The following ASTN2 variants were observed in gnomAD, a reference collection of about 807,000 sequenced individuals.
ASTN2 encodes the protein astrotactin 2.
A neutral mutation model predicts 139.8 loss-of-function variants in ASTN2; 54 were observed. That is an observed-to-expected ratio of 0.39 (90% CI 0.31 to 0.48). The LOEUF is 0.48. ASTN2 is among the 20% of genes least tolerant of loss of function. The pLI is 0.95. For missense variants in ASTN2, 1,565 were observed against 1,725.1 expected, an observed-to-expected ratio of 0.91 and a Z score of 1.64; for synonymous variants, 756 against 719.5, an observed-to-expected ratio of 1.05 and a Z score of -0.81.
chr9:117,087,562 A>G (rs1828600342), intron 5 of ASTN2, among the ~76,000 whole-genome samples: 1 of 152,150 alleles, frequency 6.6e-6, no homozygotes, highest in Non-Finnish European at 1.5e-5. Context: ...TTAATTTTCA[A>G]GCTGGTACAT....
At chr9:116,744,986 C>A (rs115552859) in intron 13 of ASTN2, among the ~76,000 whole-genome samples, 2,522 of 152,248 alleles carry the variant, frequency 0.017, 75 homozygotes, top group African/African-American at 0.058. Context: ...AATTTGCTCC[C>A]TAGCAGAATG....
At chr9:116,998,893 T>A (rs1023441335) in intron 7 of ASTN2, among the ~76,000 whole-genome samples, 1 of 152,202 alleles carries the variant, frequency 6.6e-6, no homozygotes, top group Admixed American at 6.5e-5. Flanking sequence ...TTGGAATTTA[T>A]AGCTTCATAA....
intron 13 of ASTN2, among the ~76,000 whole-genome samples, chr9:116,755,189 A>G (rs1210069487): frequency 1.3e-5 from 2 of 152,198 alleles, no homozygotes; most frequent in Non-Finnish European, 2.9e-5. Context: ...AATGACCTTG[A>G]AAGATATTCA....
intron 3 of ASTN2, among the ~76,000 whole-genome samples, chr9:117,145,650 G>A (rs1371894029): frequency 2.2e-4 from 1 of 4,604 alleles, no homozygotes; most frequent in African/African-American, 3.5e-4. Context: ...AATCAGTAGT[G>A]GCTTCCTGAC....
chr9:117,087,864 T>C (rs1316339979), intron 5 of ASTN2, among the ~76,000 whole-genome samples: 1 of 152,182 alleles, frequency 6.6e-6, no homozygotes, highest in Non-Finnish European at 1.5e-5. Context: ...CCAGTGCTTA[T>C]GTACAACCTA....
intron 11 of ASTN2, among the ~76,000 whole-genome samples, chr9:116,829,564 G>C (rs2132282750): frequency 6.6e-6 from 1 of 152,236 alleles, no homozygotes; most frequent in Middle Eastern, 3.4e-3. Context: ...TAATCATGAA[G>C]AGGAAAGAGG....
intron 7 of ASTN2, among the ~76,000 whole-genome samples, chr9:117,001,813 A>G (rs2132571451): frequency 6.6e-6 from 1 of 152,286 alleles, no homozygotes; most frequent in South Asian, 2.1e-4. Context: ...CTTGATTTAT[A>G]CTACACTGTG....
chr9:116,971,713 T>G (rs537197088), intron 10 of ASTN2, among the ~76,000 whole-genome samples: 1 of 152,164 alleles, frequency 6.6e-6, no homozygotes. Flanking sequence ...AATGAAAAGA[T>G]AAAGAGAACA....
Position 116,964,219 on chromosome 9 carries a change from GT to G in ASTN2, c.1889+10988del, listed in dbSNP as rs1554765654. ...CTTTCTGACTAGACTGCCCTGGGGT[GT>G]GTGTGTGTGTGTGTGTGTGTGTGTG... is the stretch of plus-strand genomic sequence containing the variant. On this transcript the variant is annotated intron_variant, in intron 10 of 22. Coordinates refer to ENST00000313400, the MANE Select transcript of ASTN2 (RefSeq NM_001365068.1). Among the ~76,000 whole-genome samples, 386 of 77,148 alleles carry G rather than the reference GT, an allele frequency of 5.0e-3. 2 individuals are homozygous for G. Among genetic ancestry groups the G allele is most frequent in the African/African-American group, 0.019 (317 of 16,488 alleles). The allele number at this position is 77,148 out of a possible 152,430, so 50.6% of individuals were successfully genotyped here. A position where few individuals can be genotyped will look rare whatever the true frequency, so the allele number is the denominator to read the frequency against.
rs530382432 is a variant in ASTN2, at chr9:116,571,571, G to T, written c.3355+46753C>A. ...TGAGTGGATGCCATCTAATGTGTCT[G>T]TGTCTGTTTGTGCTGGGTGGATCCA... is the stretch of plus-strand genomic sequence containing the variant. On this transcript the variant is annotated intron_variant, in intron 19 of 22. Coordinates refer to ENST00000313400, the MANE Select transcript of ASTN2 (RefSeq NM_001365068.1). Among the ~76,000 whole-genome samples the T allele has an allele frequency of 7.2e-5, 11 of 152,308 alleles. No homozygotes were observed. In the East Asian group the frequency reaches 1.3e-3, roughly 19 times the overall value.
At chr9:116,473,799 G>A (rs1288513521) in intron 20 of ASTN2, among the ~76,000 whole-genome samples, 1 of 152,094 alleles carries the variant, frequency 6.6e-6, no homozygotes, top group Non-Finnish European at 1.5e-5. Context: ...CTACTCGGGA[G>A]GCTGAGGCAG....
chr9:116,673,765 CTTAAT>C (rs1353335951), intron 16 of ASTN2, among the ~76,000 whole-genome samples: 16 of 152,122 alleles, frequency 1.1e-4, no homozygotes, highest in African/African-American at 3.9e-4. Flanking sequence ...CTGGTGACAC[CTTAAT>C]TTGAGTTTTC....
intron 20 of ASTN2, among the ~76,000 whole-genome samples, chr9:116,450,793 C>T (rs1406627461): frequency 6.6e-6 from 1 of 152,188 alleles, no homozygotes; most frequent in African/African-American, 2.4e-5. Context: ...AGCACCAGAA[C>T]CCAACTTTCC....
chr9:116,481,116 G>C (rs924936252), intron 20 of ASTN2, among the ~76,000 whole-genome samples: 9 of 152,160 alleles, frequency 5.9e-5, no homozygotes, highest in African/African-American at 2.2e-4. Context: ...GTCTGGGCAT[G>C]GTTGCACATG....
chr9:116,450,175 C>A (rs945790361), intron 20 of ASTN2, among the ~76,000 whole-genome samples: 1 of 152,200 alleles, frequency 6.6e-6, no homozygotes, highest in African/African-American at 2.4e-5. Context: ...ATAAATAAAT[C>A]TTTTACAACC....
chr9:117,352,228 G>A (rs1049685899), intron 1 of ASTN2, among the ~76,000 whole-genome samples: 3 of 152,134 alleles, frequency 2.0e-5, no homozygotes, highest in African/African-American at 7.2e-5. Flanking sequence ...CGCTATTCAA[G>A]GCCAAGTCAT....
chr9:116,792,950 G>A (rs1002872275), intron 13 of ASTN2, among the ~76,000 whole-genome samples: 8 of 152,070 alleles, frequency 5.3e-5, no homozygotes, highest in Non-Finnish European at 8.8e-5. Flanking sequence ...GGACTACTGA[G>A]GGGGGAAGGA....
In ASTN2 at chr9:116,790,982, A is replaced by G. The variant is rs369937611; in HGVS notation, c.2396+14650T>C. 9.4e-3 allele frequency among the ~76,000 whole-genome samples: 808 copies of G among 86,028 alleles called. 5 individuals carry two copies. The highest frequency in any genetic ancestry group is 0.067 in the East Asian group (81 of 1,206). 56.4% of individuals were successfully genotyped at this position (86,028 alleles called of 152,430 possible). A position where few individuals can be genotyped will look rare whatever the true frequency, so the allele number is the denominator to read the frequency against. On this transcript the variant is annotated intron_variant, in intron 13 of 22. Transcript: ENST00000313400. Reference sequence around the variant, plus strand: ...AAGAAAGAAGGAAAGAAAGAAAGAAAGAAAGAAAGAAAGAAAGAAAGAAAG... The same window carrying G: ...AAGAAAGAAGGAAAGAAAGAAAGAAGGAAAGAAAGAAAGAAAGAAAGAAAG...
At chr9:117,074,937 T>A (rs578246034) in intron 5 of ASTN2, among the ~76,000 whole-genome samples, 1 of 121,792 alleles carries the variant, frequency 8.2e-6, no homozygotes, top group East Asian at 2.5e-4. Context: ...AGCGAAGTCA[T>A]GATCTACACC....
Sources: gnomAD v4.1 joint callset for allele counts (sites outside exome capture counted in the v4.1 genomes callset) on GRCh38, gnomAD v4.1.1 for gene constraint, MANE v1.5 for transcripts, NCBI Gene and HGNC (gene_info 2026-07-23, HGNC 2026-07-21) for gene names.